The following CROCC variants were observed in gnomAD, a reference collection of about 807,000 sequenced individuals.
CROCC encodes ciliary rootlet coiled-coil, rootletin, also known as rootletin.
In CROCC, 180 loss-of-function variants were observed where a neutral mutation model predicts 245.2. The observed-to-expected ratio is 0.73, with a 90% CI of 0.65 to 0.83. CROCC has a LOEUF of 0.83. CROCC is among the 40% of genes least tolerant of loss of function. The probability of loss-of-function intolerance (pLI) is 0.00; values close to 1 mark genes in which losing one functional copy is unlikely to be tolerated. For synonymous variants in CROCC, 1,205 were observed against 1,241.6 expected (o/e 0.97, Z 0.62); for missense variants, 2,688 against 2,779.4 (o/e 0.97, Z 0.74).
intron 2 of CROCC, 52 bp downstream of exon 2, chr1:16,922,850 T>C (rs772686559): frequency 2.5e-6 from 4 of 1,584,048 alleles, no homozygotes; most frequent in Admixed American, 1.8e-5. Context: ...TTTTACCTCT[T>C]CTCATGTCCC....
chr1:16,968,373 C>T lies in CROCC; in HGVS notation c.5031C>T (p.Ala1677=). ...GCCTGGGCCTCAGTGACCGCGAGGC[C>T]CAAGCCCAGGCCCTCCAGGATCGGG... ...RSRLGLSDRE[A]QAQALQDRVD... Residue 1677 remains alanine (A), a synonymous_variant, in exon 31 of 37, where the codon GCC becomes GCT. Transcript: ENST00000375541. 7 of 1,527,746 alleles carry T rather than the reference C, an allele frequency of 4.6e-6. No individual in the cohort carries two copies. The highest frequency in any genetic ancestry group is 2.0e-4 in the Middle Eastern group (1 of 5,016). The allele number at this position is 1,527,746 out of a possible 1,614,324, so 94.6% of individuals were successfully genotyped here.
intron 35 of CROCC, chr1:16,970,970 T>A: frequency 1.9e-6 from 1 of 527,876 alleles, no homozygotes; most frequent in African/African-American, 1.9e-5. Flanking sequence ...TGTTTGCACG[T>A]GAGCCTGTGG....
At chr1:16,947,131 T>A (rs1304602596) in intron 17 of CROCC, 140 bp downstream of exon 17, 6 of 830,208 alleles carry the variant, frequency 7.2e-6, no homozygotes, top group Admixed American at 5.6e-5. Flanking sequence ...TTCTGCTAGC[T>A]GGGGACCTTG....
chr1:16,960,681 C>T, intron 26 of CROCC, 77 bp from the exon 27 acceptor site: 3 of 1,382,256 alleles, frequency 2.2e-6, no homozygotes, highest in Middle Eastern at 5.4e-4. Context: ...GGATGGTGGG[C>T]TCCAGTCTGG....
intron 9 of CROCC, 86 bp downstream of exon 9, chr1:16,936,959 C>T: frequency 1.5e-6 from 2 of 1,368,056 alleles, no homozygotes; most frequent in South Asian, 1.3e-5. Flanking sequence ...CATCTGTTCA[C>T]TAGGGGAAGG....
At chr1:16,927,785 C>G (rs2075569594) in intron 3 of CROCC, among the ~76,000 whole-genome samples, 1 of 152,286 alleles carries the variant, frequency 6.6e-6, no homozygotes. Context: ...GGGCTTGGCA[C>G]AGACGCTTGA....
upstream of CROCC, chr1:16,921,877 G>C (rs1436763315): frequency 2.5e-6 from 2 of 800,618 alleles, no homozygotes; most frequent in Admixed American, 2.4e-5. Context: ...CTCCCACCGC[G>C]GTGGTCACAT....
At chr1:16,939,852 CCT>C (rs764066247) in intron 12 of CROCC, 40 bp from the exon 13 acceptor site, 6 of 1,599,486 alleles carry the variant, frequency 3.8e-6, no homozygotes, top group Non-Finnish European at 5.1e-6. Context: ...GCTCTGGAGG[CCT>C]CTCAGGCCCC....
chr1:16,927,555 C>G (rs375040085), intron 3 of CROCC, among the ~76,000 whole-genome samples: 13 of 152,392 alleles, frequency 8.5e-5, no homozygotes, highest in African/African-American at 2.9e-4. Flanking sequence ...GCCACAGATG[C>G]CGCCTTAGCC....
chr1:16,918,726 G>A (rs559797226), upstream of CROCC, among the ~76,000 whole-genome samples: 14 of 146,014 alleles, frequency 9.6e-5, no homozygotes, highest in South Asian at 2.6e-3. Flanking sequence ...CTGCTGGCCG[G>A]TTTAGTTTTT....
Position 16,939,155 on chromosome 1 carries a change from T to G in CROCC, c.1608+13T>G. 3 of 1,454,174 alleles carry G rather than the reference T, an allele frequency of 2.1e-6. No individual in the cohort carries two copies. Among genetic ancestry groups the G allele is most frequent in the Non-Finnish European group, 1.8e-6 (2 of 1,112,024 alleles). 90.1% of individuals were successfully genotyped at this position (1,454,174 alleles called of 1,614,324 possible). On this transcript the variant is annotated intron_variant, in intron 12 of 36. Transcript: ENST00000375541. Reference sequence around the variant, plus strand: ...GCTGCAGGTCCAGGTAGGAAGGGGCTTGAGCGTTCTGGGCGCAGCCAGAGG... The same window carrying G: ...GCTGCAGGTCCAGGTAGGAAGGGGCGTGAGCGTTCTGGGCGCAGCCAGAGG...
Position 16,954,764 on chromosome 1 carries a change from C to T in CROCC, c.3352C>T (p.Arg1118Trp), listed in dbSNP as rs777222659. Residue 1118 changes from arginine (R) to tryptophan (W), a missense_variant, in exon 23 of 37, where the codon CGG (arginine) becomes TGG (tryptophan). Arg to Trp is a moderately radical substitution (Grantham distance 101, BLOSUM62 -3). Around this residue, in one of 9 missense-constraint regions of CROCC, gnomAD observed 1,218 missense variants for 1,286.3 expected, o/e 0.95. Coordinates refer to ENST00000375541, the MANE Select transcript of CROCC (RefSeq NM_014675.5). The surrounding 1 kb of genome is among the most constrained non-coding windows in gnomAD (Gnocchi z 4.4). Reference sequence around the variant, plus strand: ...CGTGAACGCTCTGACGTCTGAGCTGCGGGACCTACGGGCCCAGCGGGAGGA... The same window carrying T: ...CGTGAACGCTCTGACGTCTGAGCTGTGGGACCTACGGGCCCAGCGGGAGGA... ...STVNALTSEL[R>W]DLRAQREEAA... 2.0e-5 allele frequency: 31 copies of T among 1,554,786 alleles called. No individual in the cohort carries two copies. The highest frequency in any genetic ancestry group is 3.9e-5 in the Admixed American group (2 of 51,734).
Position 16,958,662 on chromosome 1 carries a change from G to A in CROCC, c.3944G>A (p.Arg1315Gln), listed in dbSNP as rs751042037. 1.1e-5 allele frequency: 17 copies of A among 1,555,934 alleles called. No homozygotes were observed. Among genetic ancestry groups the A allele is most frequent in the Non-Finnish European group, 1.1e-5 (13 of 1,150,368 alleles). Residue 1315 changes from arginine (R) to glutamine (Q), a missense_variant, in exon 26 of 37, where the codon CGG becomes CAG. Arg to Gln is a conservative substitution (Grantham distance 43). Around this residue, in one of 9 missense-constraint regions of CROCC, gnomAD observed 1,218 missense variants for 1,286.3 expected, o/e 0.95. Coordinates refer to ENST00000375541, the MANE Select transcript of CROCC (RefSeq NM_014675.5). Reference protein sequence around the residue: ...ELQGRLALGERAEKESRRETL... With the variant: ...ELQGRLALGEQAEKESRRETL... ...CAGGGCCGCCTGGCGCTGGGCGAGC[G>A]GGCAGAGAAGGAGAGCAGGCGGGAG...
At chr1:16,958,556 C>T in intron 25 of CROCC, 27 bp from the exon 26 acceptor site, 2 of 1,548,950 alleles carry the variant, frequency 1.3e-6, no homozygotes, top group Non-Finnish European at 1.7e-6. Flanking sequence ...CAGAGCTGAA[C>T]CTGCTGCCAT....
chr1:16,963,900 A>G (rs961938675), intron 27 of CROCC, among the ~76,000 whole-genome samples: 4 of 151,578 alleles, frequency 2.6e-5, no homozygotes, highest in Non-Finnish European at 5.9e-5. Flanking sequence ...GGTTCAAGCG[A>G]TTCTCCTGCC....
Position 16,924,432 on chromosome 1 carries a change from G to A in CROCC, c.304G>A (p.Ala102Thr), listed in dbSNP as rs761796681. 3 of 1,613,380 alleles carry A rather than the reference G, an allele frequency of 1.9e-6. No individual in the cohort carries two copies. Among genetic ancestry groups the A allele is most frequent in the Non-Finnish European group, 2.5e-6 (3 of 1,179,892 alleles). Residue 102 changes from alanine (A) to threonine (T), a missense_variant, in exon 3 of 37, where the codon GCC becomes ACC. Transcript: ENST00000375541. ...RVEDLLAQSR[A>T]ERDELAIKYN... ...GGAGGACCTGCTGGCCCAGAGCCGT[G>A]CCGAGCGCGATGAGCTCGCCATTAA...
chr1:16,939,818 C>T, intron 12 of CROCC, 76 bp from the exon 13 acceptor site: 2 of 1,535,382 alleles, frequency 1.3e-6, no homozygotes, highest in African/African-American at 2.7e-5. Context: ...AGTGTGTATC[C>T]CTGGAACCAG....
chr1:16,930,079 C>T (rs781497430), intron 4 of CROCC, 45 bp from the exon 5 acceptor site: 5 of 1,571,080 alleles, frequency 3.2e-6, no homozygotes, highest in Non-Finnish European at 3.4e-6. Flanking sequence ...GTTCACTTTG[C>T]CCCGCCCCAA....
At position 16,954,955 on chromosome 1, in the gene CROCC, C is replaced by G; in HGVS notation, c.3465+78C>G. 2 of 1,429,546 alleles carry G rather than the reference C, an allele frequency of 1.4e-6. No individual in the cohort carries two copies. The highest frequency in any genetic ancestry group is 1.8e-6 in the Non-Finnish European group (2 of 1,082,548). 88.6% of individuals were successfully genotyped at this position (1,429,546 alleles called of 1,614,324 possible). On this transcript the variant is annotated intron_variant, in intron 23 of 36. Coordinates refer to ENST00000375541, the MANE Select transcript of CROCC (RefSeq NM_014675.5). This position sits in a 1 kb window ranked among gnomAD's most constrained non-coding sequence, Gnocchi z 4.4. ...CCTGGGGGCCTAGTTCCCCAGGGCC[C>G]CAGAAGAGTGTAAGATTCCTCCCTG...
Sources: allele counts gnomAD v4.1 joint callset (sites outside exome capture counted in the v4.1 genomes callset), GRCh38; gene constraint gnomAD v4.1.1; regional missense constraint gnomAD v4.1.1; non-coding constraint Gnocchi (gnomAD v3.1); transcripts MANE v1.5; gene names NCBI Gene and HGNC (gene_info 2026-07-23, HGNC 2026-07-21).